CTNNA2: variants seen among roughly 807,000 people sequenced by gnomAD.
CTNNA2 encodes catenin alpha 2.
CTNNA2 carries 42 observed loss-of-function variants against 101.0 expected under a neutral mutation model. That is an observed-to-expected ratio of 0.42 (90% confidence interval 0.32 to 0.54). The LOEUF (loss-of-function observed/expected upper bound fraction) is 0.54. Ranked by LOEUF, CTNNA2 falls within the 20% of genes least tolerant of loss-of-function variation. The pLI is 0.14. For synonymous variants in CTNNA2, 450 were observed against 456.4 expected (o/e 0.99, Z 0.18); for missense variants, 871 against 1,223.1 (o/e 0.71, Z 4.29).
intron 4 of CTNNA2, among the ~76,000 whole-genome samples, chr2:79,393,672 T>A (rs1026528358): frequency 6.6e-6 from 1 of 151,312 alleles, no homozygotes; most frequent in Non-Finnish European, 1.5e-5. Context: ...GCTCTGAATT[T>A]CCTACAATGG....
At chr2:80,458,450 CA>C (rs2149468097) in intron 9 of CTNNA2, among the ~76,000 whole-genome samples, 1 of 152,164 alleles carries the variant, frequency 6.6e-6, no homozygotes, top group African/African-American at 2.4e-5. Context: ...TAAAAAATAA[CA>C]AATTAAGATT....
rs554380840 is a variant in CTNNA2 at position 80,202,448 on chromosome 2, C to A, written c.1057-190763C>A. Among the ~76,000 whole-genome samples the A allele has an allele frequency of 5.2e-4, 79 of 152,296 alleles. No homozygotes were observed. In the South Asian group the frequency reaches 9.1e-3, roughly 18 times the overall value. ...CCAGCCTTGGTAGCAGGGAAGGCTT[C>A]CCCTATTGGCTGTCATTTGGAATGA... On this transcript the variant is annotated intron_variant, in intron 7 of 18. Coordinates refer to ENST00000402739, the MANE Select transcript of CTNNA2 (RefSeq NM_001282597.3).
At chr2:80,253,517 C>A (rs568531375) in intron 7 of CTNNA2, among the ~76,000 whole-genome samples, 1 of 152,182 alleles carries the variant, frequency 6.6e-6, no homozygotes, top group African/African-American at 2.4e-5. Context: ...ACCTTGCAGG[C>A]CCTAGGAAGG....
At position 79,887,610 on chromosome 2, in the gene CTNNA2, CTT is replaced by C. The variant is rs574038420; in HGVS notation, c.852+13269_852+13270del. On this transcript the variant is annotated intron_variant, in intron 6 of 18. Coordinates refer to ENST00000402739, the MANE Select transcript of CTNNA2 (RefSeq NM_001282597.3). The stretch of plus-strand genomic sequence containing the variant: ...TCTACAAAGTCTAGGATTTTTCTAA[CTT>C]AGGTTAATCTGTTTGTGCTTAATTG... Among the ~76,000 whole-genome samples the C allele has an allele frequency of 1.1e-4, 17 of 152,164 alleles. No individual in the cohort carries two copies. In the East Asian group the frequency reaches 3.3e-3, roughly 29 times the overall value.
At chr2:80,131,189 G>T (rs1415752838) in intron 7 of CTNNA2, among the ~76,000 whole-genome samples, 1 of 152,182 alleles carries the variant, frequency 6.6e-6, no homozygotes, top group Non-Finnish European at 1.5e-5. Flanking sequence ...CTCCAGAGTA[G>T]CCAGGACTAT....
At chr2:80,543,949 T>A (rs1048798468) in intron 9 of CTNNA2, among the ~76,000 whole-genome samples, 1 of 152,130 alleles carries the variant, frequency 6.6e-6, no homozygotes, top group Non-Finnish European at 1.5e-5. Context: ...ACTTTTCATA[T>A]CCCCATTCTT....
intron 3 of CTNNA2, among the ~76,000 whole-genome samples, chr2:79,322,297 T>C (rs1489870811): frequency 6.6e-6 from 1 of 152,184 alleles, no homozygotes; most frequent in South Asian, 2.1e-4. Flanking sequence ...GCTGCCACAT[T>C]CGTTTCATTG....
intron 7 of CTNNA2, among the ~76,000 whole-genome samples, chr2:79,956,725 G>C (rs1444839076): frequency 1.3e-5 from 2 of 152,118 alleles, no homozygotes; most frequent in South Asian, 4.1e-4. Flanking sequence ...CCACCTTAGT[G>C]GATGGAAGGG....
At chr2:80,126,626 C>CTTT (rs1702139184) in intron 7 of CTNNA2, among the ~76,000 whole-genome samples, 3 of 27,266 alleles carry the variant, frequency 1.1e-4, no homozygotes, top group African/African-American at 5.0e-4. Context: ...CTCCCTCCCT[C>CTTT]CCTCCCTCCC....
rs1215344614 is a variant in CTNNA2, at chr2:79,831,154, TTC to T, written c.299-26857_299-26856del. Among the ~76,000 whole-genome samples the T allele has an allele frequency of 2.0e-5, 3 of 152,068 alleles. No individual in the cohort carries two copies. The East Asian group carries it at 5.8e-4, about 29-fold the overall frequency. On this transcript the variant is annotated intron_variant, in intron 3 of 18. Coordinates refer to ENST00000402739, the MANE Select transcript of CTNNA2 (RefSeq NM_001282597.3). ...TTAATCATTTTATTTTAGAAAAAAA[TTC>T]TGTTTTCTCATTATAAATTTACAAG...
chr2:79,255,589 T>A (rs558675235), intron 2 of CTNNA2, among the ~76,000 whole-genome samples: 7 of 152,118 alleles, frequency 4.6e-5, no homozygotes, highest in African/African-American at 1.7e-4. Context: ...CGTGGAAGAA[T>A]CAGGGGATTG....
At chr2:79,395,076 A>C (rs2104475513) in intron 4 of CTNNA2, among the ~76,000 whole-genome samples, 1 of 152,252 alleles carries the variant, frequency 6.6e-6, no homozygotes, top group Admixed American at 6.5e-5. Context: ...TTACCTGTGT[A>C]GCCTAGTGCA....
intron 7 of CTNNA2, among the ~76,000 whole-genome samples, chr2:80,244,348 T>C (rs1264397174): frequency 6.6e-6 from 1 of 152,224 alleles, no homozygotes; most frequent in Non-Finnish European, 1.5e-5. Flanking sequence ...AGAAAAGTGG[T>C]TCTGACCATA....
At chr2:79,402,557 T>C (rs142644844) in intron 4 of CTNNA2, among the ~76,000 whole-genome samples, 189 of 151,906 alleles carry the variant, frequency 1.2e-3, no homozygotes, top group Non-Finnish European at 2.0e-3. Flanking sequence ...TAACAATATA[T>C]TGTAGTAAAA....
chr2:79,480,041 C>T (rs1339178553), intron 4 of CTNNA2, among the ~76,000 whole-genome samples: 2 of 151,872 alleles, frequency 1.3e-5, no homozygotes, highest in African/African-American at 2.4e-5. Context: ...CTAGAGTGGG[C>T]CTGAAGGTGC....
At position 80,545,059 on chromosome 2, in the gene CTNNA2, C is replaced by T. The variant is rs1691918891; in HGVS notation, c.1368C>T (p.Asp456=). ...TTCGGATGGCAGCCACCCAGATTGA[C>T]AGCCTGTGTCCCCAGGTAAGCCTCA... ...KLVRMAATQI[D]SLCPQVINAA... Residue 456 remains aspartate (D), a synonymous_variant, in exon 10 of 19, where the codon GAC becomes GAT. Coordinates refer to ENST00000402739, the MANE Select transcript of CTNNA2 (RefSeq NM_001282597.3). The T allele has an allele frequency of 1.9e-6, 3 of 1,614,000 alleles. No individual in the cohort carries two copies. Among genetic ancestry groups the T allele is most frequent in the Middle Eastern group, 3.3e-4 (2 of 6,046 alleles).
intron 17 of CTNNA2, among the ~76,000 whole-genome samples, chr2:80,615,272 A>G (rs983422952): frequency 1.3e-5 from 2 of 151,574 alleles, no homozygotes; most frequent in African/African-American, 2.4e-5. Context: ...CTTAAAATAC[A>G]TCAGTTTCCA....
intron 1 of CTNNA2, among the ~76,000 whole-genome samples, chr2:79,643,185 G>A (rs1357488086): frequency 1.3e-5 from 2 of 151,454 alleles, no homozygotes; most frequent in African/African-American, 2.4e-5. Context: ...GCAAGGCTCC[G>A]TCTCAAAAAA....
intron 1 of CTNNA2, among the ~76,000 whole-genome samples, chr2:79,613,509 T>A (rs924612281): frequency 1.3e-5 from 2 of 152,126 alleles, no homozygotes; most frequent in Non-Finnish European, 2.9e-5. Context: ...AGACTTCCTG[T>A]GTTTGCTTCT....
Sources: allele counts gnomAD v4.1 joint callset (sites outside exome capture counted in the v4.1 genomes callset), GRCh38; gene constraint gnomAD v4.1.1; transcripts MANE v1.5; gene names NCBI Gene and HGNC (gene_info 2026-07-23, HGNC 2026-07-21).